ACTN1: variants seen among roughly 807,000 people sequenced by gnomAD.
The protein encoded by ACTN1 is alpha-actinin-1.
Under a neutral mutation model 119.6 loss-of-function variants are expected in ACTN1, and 30 were observed. The ratio of observed to expected loss-of-function variants is 0.25; its 90% CI spans 0.19 to 0.34. The LOEUF is 0.34. Among genes scored for constraint, ACTN1 ranks in the 10% least tolerant of loss-of-function variants. The pLI is 1.00. For missense variants in ACTN1, 764 were observed against 1,223.4 expected (o/e 0.62, Z 5.60); for synonymous variants, 429 against 472.6 (o/e 0.91, Z 1.20).
At chr14:68,961,029 C>T (rs1333067870) in intron 1 of ACTN1, among the ~76,000 whole-genome samples, 1 of 152,196 alleles carries the variant, frequency 6.6e-6, no homozygotes, top group Non-Finnish European at 1.5e-5. Flanking sequence ...ATGACAGCAC[C>T]ACTGCACGCC....
rs781062786 is a variant in ACTN1 at position 68,880,153 on chromosome 14, G to A, written c.2134-45C>T. 55 of 1,598,438 alleles carry A rather than the reference G, an allele frequency of 3.4e-5. No homozygotes were observed. The Admixed American group carries it at 4.6e-4, about 13-fold the overall frequency. ...CTGTCAGCAAAGGGGTCCCAGGCCTGGGCTCCTGGCGGCCCCTGCCCATCC... is the reference window on the plus strand; with the variant it reads ...CTGTCAGCAAAGGGGTCCCAGGCCTAGGCTCCTGGCGGCCCCTGCCCATCC... On this transcript the variant is annotated intron_variant, in intron 17 of 21. Coordinates refer to ENST00000394419, the MANE Select transcript of ACTN1 (RefSeq NM_001130004.2). This position sits in a 1 kb window ranked among gnomAD's most constrained non-coding sequence, Gnocchi z 4.6.
Position 68,978,856 on chromosome 14 carries a change from C to G in ACTN1, c.105+96G>C, listed in dbSNP as rs1213552975. 1.1e-5 allele frequency: 9 copies of G among 812,632 alleles called. No individual in the cohort carries two copies. The African/African-American group carries it at 1.6e-4, about 15-fold the overall frequency. 50.3% of individuals were successfully genotyped at this position (812,632 alleles called of 1,614,324 possible). A position where few individuals can be genotyped will look rare whatever the true frequency, so the allele number is the denominator to read the frequency against. On this transcript the variant is annotated intron_variant, in intron 1 of 21. Coordinates refer to ENST00000394419, the MANE Select transcript of ACTN1 (RefSeq NM_001130004.2). Reference sequence around the variant, plus strand: ...GCCCCCTCCCGTGCGCGCCCGGAACCGGTTCAGAGCCCGGAGCCGAGAGCC... The same window carrying G: ...GCCCCCTCCCGTGCGCGCCCGGAACGGGTTCAGAGCCCGGAGCCGAGAGCC...
At chr14:68,893,051 G>T (rs2032617712) in intron 9 of ACTN1, among the ~76,000 whole-genome samples, 1 of 152,140 alleles carries the variant, frequency 6.6e-6, no homozygotes, top group African/African-American at 2.4e-5. Flanking sequence ...CCAGGCACTT[G>T]GGCTCCAGAA....
chr14:68,964,801 C>T (rs1022723002), intron 1 of ACTN1, among the ~76,000 whole-genome samples: 1 of 152,222 alleles, frequency 6.6e-6, no homozygotes. Flanking sequence ...GCTGTTAACA[C>T]CAAGATCACC....
chr14:68,928,110 G>A (rs576906121), intron 1 of ACTN1, among the ~76,000 whole-genome samples: 1 of 152,294 alleles, frequency 6.6e-6, no homozygotes, highest in African/African-American at 2.4e-5. Context: ...ACTGCCCTGA[G>A]CCCACCCGCC....
Position 68,912,152 on chromosome 14 carries a change from C to T in ACTN1, c.427+4G>A, listed in dbSNP as rs760220136. 6.8e-6 allele frequency: 11 copies of T among 1,613,824 alleles called. No homozygotes were observed. Among genetic ancestry groups the T allele is most frequent in the African/African-American group, 1.3e-5 (1 of 74,872 alleles). ...TGGCGGGATGGAACAAAGCAGAAAC[C>T]CACCTTCCACGGAGATGTCCTGGAT... On this transcript the variant is annotated splice_donor_region_variant and intron_variant, in intron 4 of 21. Coordinates refer to ENST00000394419, the MANE Select transcript of ACTN1 (RefSeq NM_001130004.2).
intron 1 of ACTN1, among the ~76,000 whole-genome samples, chr14:68,928,232 A>G (rs1334377381): frequency 6.6e-6 from 1 of 152,178 alleles, no homozygotes; most frequent in African/African-American, 2.4e-5. Context: ...TTGAAAGAGG[A>G]AAAGTGCTGT....
In ACTN1 at chr14:68,925,712, T is replaced by A. The variant is rs1594824492; in HGVS notation, c.106-40A>T. On this transcript the variant is annotated intron_variant, in intron 1 of 21. Transcript: ENST00000394419. This position sits in a 1 kb window ranked among gnomAD's most constrained non-coding sequence, Gnocchi z 4.3. Reference sequence around the variant, plus strand: ...GAAGGGCAAGTGGTCAGGGGGCTGGTGTTGTCACCCTCATTGGACAAGCCA... The same window carrying A: ...GAAGGGCAAGTGGTCAGGGGGCTGGAGTTGTCACCCTCATTGGACAAGCCA... 3 of 1,543,486 alleles carry A rather than the reference T, an allele frequency of 1.9e-6. No homozygotes were observed. Among genetic ancestry groups the A allele is most frequent in the Admixed American group, 1.7e-5 (1 of 58,302 alleles).
At chr14:68,893,927 C>T (rs748656227) in intron 8 of ACTN1, among the ~76,000 whole-genome samples, 180 bp from the exon 9 acceptor site, 1 of 152,102 alleles carries the variant, frequency 6.6e-6, no homozygotes, top group Non-Finnish European at 1.5e-5. Context: ...CAGCCCATGG[C>T]CAGGTCCCAT....
chr14:68,882,904 G>A lies in ACTN1; in HGVS notation c.1787C>T (p.Thr596Met), dbSNP rs769325974. 18 of 1,614,046 alleles carry A rather than the reference G, an allele frequency of 1.1e-5. No homozygotes were observed. The highest frequency in any genetic ancestry group is 4.5e-5 in the East Asian group (2 of 44,898). ...CCATTTGCCATTGATCTCCTGAGGC[G>A]TGATGGTTGTGTAGGGGTTGGTGCC... ...MAGTNPYTTI[T>M]PQEINGKWDH... Residue 596 changes from threonine to methionine, a missense_variant, in exon 15 of 22, where the codon ACG becomes ATG. By Grantham distance (81) the Thr-to-Met change is moderately conservative. Coordinates refer to ENST00000394419, the MANE Select transcript of ACTN1 (RefSeq NM_001130004.2). This position sits in a 1 kb window ranked among gnomAD's most constrained non-coding sequence, Gnocchi z 4.5.
intron 1 of ACTN1, among the ~76,000 whole-genome samples, chr14:68,975,759 G>C (rs1257647375): frequency 6.6e-6 from 1 of 152,190 alleles, no homozygotes; most frequent in Non-Finnish European, 1.5e-5. Context: ...GAAGATAACT[G>C]CATTTTGTGT....
chr14:68,943,197 C>T (rs1411927393), intron 1 of ACTN1, among the ~76,000 whole-genome samples: 1 of 152,094 alleles, frequency 6.6e-6, no homozygotes, highest in Non-Finnish European at 1.5e-5. Context: ...TATGGCCAGC[C>T]CGGTTTGAGG....
intron 3 of ACTN1, among the ~76,000 whole-genome samples, chr14:68,913,818 G>A (rs553823882): frequency 1.2e-4 from 19 of 152,184 alleles, no homozygotes; most frequent in Non-Finnish European, 2.1e-4. Flanking sequence ...AAATGCTTGG[G>A]TTGGAGAGAA....
At chr14:68,910,744 G>A (rs2033961354) in intron 4 of ACTN1, among the ~76,000 whole-genome samples, 1 of 152,198 alleles carries the variant, frequency 6.6e-6, no homozygotes, top group Non-Finnish European at 1.5e-5. Context: ...GAGAGAGACG[G>A]TGGGAGATGA....
intron 1 of ACTN1, among the ~76,000 whole-genome samples, chr14:68,937,639 C>T (rs923036766): frequency 7.9e-5 from 12 of 152,170 alleles, no homozygotes; most frequent in African/African-American, 2.9e-4. Context: ...GTGCTCTGGC[C>T]AAGTGACCCC....
At chr14:68,956,869 T>C (rs2140575155) in intron 1 of ACTN1, among the ~76,000 whole-genome samples, 1 of 152,072 alleles carries the variant, frequency 6.6e-6, no homozygotes, top group South Asian at 2.1e-4. Flanking sequence ...GTTTTCTGGG[T>C]GGGGAGAGAC....
chr14:68,902,366 C>G, intron 8 of ACTN1, 111 bp downstream of exon 8: 1 of 941,758 alleles, frequency 1.1e-6, no homozygotes, highest in Non-Finnish European at 1.7e-6. Flanking sequence ...TCCGAGAGAC[C>G]AGACCATCCA....
At chr14:68,920,268 G>A (rs1033078205) in intron 3 of ACTN1, among the ~76,000 whole-genome samples, 6 of 152,172 alleles carry the variant, frequency 3.9e-5, no homozygotes, top group Admixed American at 3.3e-4. Flanking sequence ...TCACAGCCAC[G>A]ATGTGTCTTG....
chr14:68,944,415 G>A (rs532718395), intron 1 of ACTN1, among the ~76,000 whole-genome samples: 145 of 152,212 alleles, frequency 9.5e-4, no homozygotes, highest in Non-Finnish European at 1.8e-3. Context: ...GACAGCTGCA[G>A]CCAGATTCAT....
Sources: gnomAD v4.1 joint callset for allele counts (sites outside exome capture counted in the v4.1 genomes callset) on GRCh38, gnomAD v4.1.1 for gene constraint, Gnocchi (gnomAD v3.1) non-coding constraint, MANE v1.5 for transcripts, NCBI Gene and HGNC (gene_info 2026-07-23, HGNC 2026-07-21) for gene names.